TAFA2: variants seen among roughly 807,000 people sequenced by gnomAD.
TAFA2 encodes the protein chemokine-like protein TAFA-2.
TAFA2 carries 7 observed loss-of-function variants against 18.8 expected under a neutral mutation model. That is an observed-to-expected ratio of 0.37 (90% CI 0.21 to 0.70). The LOEUF is 0.70. TAFA2 is among the 30% of genes least tolerant of loss of function. The pLI, the probability that TAFA2 is intolerant of heterozygous loss-of-function variation, is 0.53. For synonymous variants in TAFA2, 60 were observed against 54.2 expected, an observed-to-expected ratio of 1.11 and a Z score of -0.47; for missense variants, 122 against 158.1, an observed-to-expected ratio of 0.77 and a Z score of 1.23.
intron 1 of TAFA2, among the ~76,000 whole-genome samples, chr12:62,250,951 G>A (rs187128330): frequency 1.0e-3 from 136 of 132,618 alleles, no homozygotes; most frequent in Middle Eastern, 3.9e-3. Flanking sequence ...GCTGAGTCTC[G>A]CCAAGACCAG....
chr12:61,822,314 A>G (rs1872354323), intron 2 of TAFA2, among the ~76,000 whole-genome samples: 1 of 152,158 alleles, frequency 6.6e-6, no homozygotes, highest in South Asian at 2.1e-4. Flanking sequence ...TTTGACACTC[A>G]TCAATGCATA....
chr12:61,855,191 C>T (rs570371826), intron 2 of TAFA2, among the ~76,000 whole-genome samples: 1 of 152,128 alleles, frequency 6.6e-6, no homozygotes, highest in Non-Finnish European at 1.5e-5. Context: ...AGTTATTTTC[C>T]CCTGAGATAT....
rs149819011 is a variant in TAFA2 at position 62,145,897 on chromosome 12, C to T, written c.-2+45362G>A. 1.1e-4 allele frequency among the ~76,000 whole-genome samples: 17 copies of T among 152,328 alleles called. No individual in the cohort carries two copies. In the East Asian group the frequency reaches 2.5e-3, roughly 22 times the overall value. ...ATACCCCACAGCCTTTTGCTGTTGG[C>T]GATACCCCCTTGGGTAGGATACCAG... On this transcript the variant is annotated intron_variant, in intron 1 of 4. Transcript: ENST00000416284.
chr12:62,109,667 G>C (rs1306513135), intron 1 of TAFA2, among the ~76,000 whole-genome samples: 1 of 152,114 alleles, frequency 6.6e-6, no homozygotes, highest in East Asian at 1.9e-4. Flanking sequence ...GCAATGGTTT[G>C]TAGTTCTCCT....
intron 1 of TAFA2, among the ~76,000 whole-genome samples, chr12:61,998,123 G>A (rs1880261563): frequency 6.6e-6 from 1 of 151,936 alleles, no homozygotes; most frequent in Non-Finnish European, 1.5e-5. Flanking sequence ...ACAAATATAA[G>A]GAAAGAATTT....
At chr12:62,163,289 A>C (rs2136932476) in intron 1 of TAFA2, among the ~76,000 whole-genome samples, 1 of 152,274 alleles carries the variant, frequency 6.6e-6, no homozygotes, top group South Asian at 2.1e-4. Context: ...AGTTCTAGAA[A>C]AAATCTCCAA....
At position 62,230,476 on chromosome 12, in the gene TAFA2, A is replaced by G. The variant is rs1456888101; in HGVS notation, c.-130+28287T>C. Among the ~76,000 whole-genome samples the G allele has an allele frequency of 4.6e-5, 7 of 152,002 alleles. No individual in the cohort carries two copies. The East Asian group carries it at 1.3e-3, about 29-fold the overall frequency. On this transcript the variant is annotated intron_variant, in intron 1 of 5. Transcript: ENST00000551619. ...TAATTTCTTCATCAGCCCCTTGATCATTCAGGAGGATGTTGTTTTATTTCC... is the reference window on the plus strand; with the variant it reads ...TAATTTCTTCATCAGCCCCTTGATCGTTCAGGAGGATGTTGTTTTATTTCC...
chr12:62,174,724 A>G (rs1336471259), intron 1 of TAFA2, among the ~76,000 whole-genome samples: 1 of 152,100 alleles, frequency 6.6e-6, no homozygotes, highest in East Asian at 1.9e-4. Context: ...TTAAAACTTT[A>G]CCACTTAATG....
intron 4 of TAFA2, among the ~76,000 whole-genome samples, chr12:61,736,691 T>C (rs1339726361): frequency 6.6e-6 from 1 of 152,020 alleles, no homozygotes; most frequent in African/African-American, 2.4e-5. Flanking sequence ...TGGAAATATG[T>C]CCTACTATGG....
chr12:61,980,550 A>AG (rs1879595788), intron 1 of TAFA2, among the ~76,000 whole-genome samples: 1 of 152,210 alleles, frequency 6.6e-6, no homozygotes, highest in African/African-American at 2.4e-5. Flanking sequence ...TTGTATATTT[A>AG]GAAAAACCCA....
chr12:62,154,886 T>C lies in TAFA2; in HGVS notation c.-2+36373A>G, dbSNP rs918494924. Among the ~76,000 whole-genome samples, 8 of 151,912 alleles carry C rather than the reference T, an allele frequency of 5.3e-5. 1 individual carries two copies. The highest frequency in any genetic ancestry group is 2.0e-4 in the Admixed American group (3 of 15,236). On this transcript the variant is annotated intron_variant, in intron 1 of 4. Transcript: ENST00000416284. ...ACAGCATTCCCCATGACAGGTGAAA[T>C]AGGACAAGGTGCCCACTCTCAGCAC...
intron 1 of TAFA2, among the ~76,000 whole-genome samples, chr12:61,969,634 G>A (rs573481327): frequency 4.9e-4 from 74 of 151,736 alleles, no homozygotes; most frequent in African/African-American, 1.7e-3. Context: ...CTGATCTCCA[G>A]TGAACTCATA....
At chr12:62,108,224 G>A (rs552294652) in intron 1 of TAFA2, among the ~76,000 whole-genome samples, 2 of 151,980 alleles carry the variant, frequency 1.3e-5, no homozygotes, top group African/African-American at 4.8e-5. Flanking sequence ...ACTTATGAGT[G>A]AGAACATGCG....
At chr12:62,064,416 G>C (rs1342817345) in intron 1 of TAFA2, among the ~76,000 whole-genome samples, 1 of 151,848 alleles carries the variant, frequency 6.6e-6, no homozygotes, top group Non-Finnish European at 1.5e-5. Flanking sequence ...ACACAGTTGT[G>C]CCAATAAACA....
chr12:62,091,672 A>G (rs1485773507), intron 1 of TAFA2, among the ~76,000 whole-genome samples: 2 of 151,838 alleles, frequency 1.3e-5, no homozygotes, highest in African/African-American at 2.4e-5. Flanking sequence ...CATACCTCCA[A>G]TGCAATCATC....
At chr12:61,881,792 T>A (rs1353416755) in intron 1 of TAFA2, among the ~76,000 whole-genome samples, 1 of 152,174 alleles carries the variant, frequency 6.6e-6, no homozygotes, top group South Asian at 2.1e-4. Flanking sequence ...AATCTCATTT[T>A]AAAGAACATT....
At chr12:61,721,725 G>A (rs574439583) in intron 4 of TAFA2, among the ~76,000 whole-genome samples, 13 of 152,286 alleles carry the variant, frequency 8.5e-5, no homozygotes, top group African/African-American at 1.4e-4. Flanking sequence ...GGAGGCCAAC[G>A]CGGGTGGATC....
intron 2 of TAFA2, among the ~76,000 whole-genome samples, chr12:61,826,901 T>C (rs1400989521): frequency 6.6e-6 from 1 of 152,062 alleles, no homozygotes; most frequent in East Asian, 1.9e-4. Context: ...GAGGCAATAT[T>C]TCATTACAAA....
chr12:61,802,667 A>G (rs1871446281), intron 2 of TAFA2, among the ~76,000 whole-genome samples: 1 of 152,114 alleles, frequency 6.6e-6, no homozygotes, highest in South Asian at 2.1e-4. Flanking sequence ...CTACAGCTAG[A>G]TCAACAACAC....
Sources: gnomAD v4.1 joint callset for allele counts (sites outside exome capture counted in the v4.1 genomes callset) on GRCh38, gnomAD v4.1.1 for gene constraint, MANE v1.5 for transcripts, NCBI Gene and HGNC (gene_info 2026-07-23, HGNC 2026-07-21) for gene names.